Variants in FAM107B observed in about 807,000 individuals in gnomAD.
The protein encoded by FAM107B is protein FAM107B.
A neutral mutation model predicts 31.5 loss-of-function variants in FAM107B; 21 were observed. That is an observed-to-expected ratio of 0.67 (90% CI 0.47 to 0.96). FAM107B has a LOEUF of 0.96. Ranked by LOEUF, FAM107B falls within the 40% of genes least tolerant of loss-of-function variation. The pLI is 0.00. For synonymous variants in FAM107B, 157 were observed against 141.5 expected (o/e 1.11, Z -0.78); for missense variants, 452 against 377.1 (o/e 1.20, Z -1.64).
chr10:14,549,628 A>C (rs1849071375), intron 2 of FAM107B, among the ~76,000 whole-genome samples: 1 of 152,168 alleles, frequency 6.6e-6, no homozygotes, highest in Non-Finnish European at 1.5e-5. Context: ...CCAGGACGCC[A>C]AGCCTTGCCA....
At chr10:14,767,716 A>T (rs1445895656) in intron 1 of FAM107B, among the ~76,000 whole-genome samples, 1 of 152,254 alleles carries the variant, frequency 6.6e-6, no homozygotes, top group Middle Eastern at 3.2e-3. Context: ...CTAGCCTCAC[A>T]TTTAATGGTG....
At chr10:14,681,666 G>T (rs1854839214) in intron 1 of FAM107B, among the ~76,000 whole-genome samples, 1 of 152,178 alleles carries the variant, frequency 6.6e-6, no homozygotes, top group South Asian at 2.1e-4. Flanking sequence ...CTGGATGGAG[G>T]ACGTGGGTGC....
intron 1 of FAM107B, among the ~76,000 whole-genome samples, chr10:14,698,041 A>C (rs1855307636): frequency 1.3e-5 from 2 of 152,018 alleles, no homozygotes; most frequent in African/African-American, 4.8e-5. Flanking sequence ...ACAAGGATCG[A>C]TTGAACCCAG....
intron 2 of FAM107B, among the ~76,000 whole-genome samples, chr10:14,650,787 C>A (rs776990412): frequency 1.3e-5 from 2 of 152,130 alleles, no homozygotes; most frequent in Non-Finnish European, 2.9e-5. Flanking sequence ...TTTGTTATAT[C>A]ACTAAATTTC....
intron 2 of FAM107B, among the ~76,000 whole-genome samples, chr10:14,635,562 A>G (rs1466203479): frequency 6.6e-6 from 1 of 152,164 alleles, no homozygotes; most frequent in Non-Finnish European, 1.5e-5. Flanking sequence ...TGTCAGTTGC[A>G]CACACAGTTA....
intron 1 of FAM107B, among the ~76,000 whole-genome samples, chr10:14,673,771 G>A (rs972329556): frequency 5.3e-5 from 8 of 152,014 alleles, no homozygotes; most frequent in African/African-American, 7.2e-5. Flanking sequence ...CCTTTTCGGC[G>A]TTTGTTATTT....
intron 1 of FAM107B, among the ~76,000 whole-genome samples, chr10:14,707,155 A>C (rs1177680686): frequency 6.6e-6 from 1 of 151,996 alleles, no homozygotes; most frequent in South Asian, 2.1e-4. Context: ...ACAACAAAAA[A>C]ACAAAACAAC....
chr10:14,745,315 G>A (rs1335469391), intron 1 of FAM107B, among the ~76,000 whole-genome samples: 1 of 151,426 alleles, frequency 6.6e-6, no homozygotes, highest in East Asian at 1.9e-4. Context: ...TTCCTCTCTG[G>A]TCTTGGTTAT....
chr10:14,538,909 T>C (rs1355406998), intron 2 of FAM107B, among the ~76,000 whole-genome samples: 1 of 152,248 alleles, frequency 6.6e-6, no homozygotes, highest in Non-Finnish European at 1.5e-5. Context: ...TATAAAATTA[T>C]TTAACCTGAG....
chr10:14,593,453 G>A (rs765968576), intron 2 of FAM107B, among the ~76,000 whole-genome samples: 4 of 152,048 alleles, frequency 2.6e-5, no homozygotes, highest in African/African-American at 9.7e-5. Flanking sequence ...TGAGGTGGGC[G>A]GATCACTTGA....
chr10:14,646,675 G>C (rs1420306151), intron 2 of FAM107B, among the ~76,000 whole-genome samples: 1 of 151,940 alleles, frequency 6.6e-6, no homozygotes, highest in Admixed American at 6.6e-5. Flanking sequence ...TTTCCTTTGG[G>C]TGGGTACCCA....
At chr10:14,544,056 C>T (rs1848483859) in intron 2 of FAM107B, among the ~76,000 whole-genome samples, 1 of 152,130 alleles carries the variant, frequency 6.6e-6, no homozygotes, top group African/African-American at 2.4e-5. Flanking sequence ...CTGTATCCAC[C>T]CTCACTCCAG....
At chr10:14,732,890 T>C (rs1856207144) in intron 1 of FAM107B, among the ~76,000 whole-genome samples, 1 of 146,670 alleles carries the variant, frequency 6.8e-6, no homozygotes, top group Non-Finnish European at 1.5e-5. Context: ...ACAATTATAG[T>C]ACATTATAGA....
chr10:14,727,973 T>A (rs916867093), intron 1 of FAM107B, among the ~76,000 whole-genome samples: 18 of 152,222 alleles, frequency 1.2e-4, no homozygotes, highest in African/African-American at 4.1e-4. Flanking sequence ...AGTATGCCAG[T>A]GATCAGTAAC....
intron 1 of FAM107B, among the ~76,000 whole-genome samples, chr10:14,692,840 T>C (rs1315037935): frequency 1.3e-5 from 2 of 152,240 alleles, no homozygotes; most frequent in Non-Finnish European, 2.9e-5. Flanking sequence ...TGATCCTTTA[T>C]GTGCCACGTG....
chr10:14,652,021 A>G (rs1209913911), intron 2 of FAM107B, among the ~76,000 whole-genome samples: 3 of 152,204 alleles, frequency 2.0e-5, no homozygotes, highest in Non-Finnish European at 4.4e-5. Context: ...GTAGCACCAT[A>G]AACAGAAGTT....
intron 2 of FAM107B, among the ~76,000 whole-genome samples, chr10:14,596,165 G>C (rs777605237): frequency 6.6e-6 from 1 of 152,108 alleles, no homozygotes; most frequent in African/African-American, 2.4e-5. Context: ...TTGTTTCTGC[G>C]AGGCTCATCC....
intron 3 of FAM107B, among the ~76,000 whole-genome samples, chr10:14,526,966 T>G (rs760401075): frequency 6.6e-6 from 1 of 151,978 alleles, no homozygotes; most frequent in African/African-American, 2.4e-5. Context: ...GCCTCCTGAG[T>G]AGCTGGGACT....
At chr10:14,677,089 T>C (rs941329790) in intron 1 of FAM107B, among the ~76,000 whole-genome samples, 1 of 152,190 alleles carries the variant, frequency 6.6e-6, no homozygotes, top group South Asian at 2.1e-4. Context: ...ATCCTGCCCC[T>C]TTCCCTCCTC....
Sources: allele counts gnomAD v4.1 joint callset (sites outside exome capture counted in the v4.1 genomes callset), GRCh38; gene constraint gnomAD v4.1.1; transcripts MANE v1.5; gene names NCBI Gene and HGNC (gene_info 2026-07-23, HGNC 2026-07-21).